The following CFAP299 variants were observed in gnomAD, a reference collection of about 807,000 sequenced individuals.
The protein encoded by CFAP299 is cilia- and flagella-associated protein 299.
CFAP299 carries 21 observed loss-of-function variants against 27.0 expected under a neutral mutation model. The observed-to-expected ratio is 0.78, with a 90% CI of 0.55 to 1.12. The LOEUF (loss-of-function observed/expected upper bound fraction) is 1.12. Ranked by LOEUF, CFAP299 falls within the 50% of genes most tolerant of loss-of-function variation. The pLI, the probability that CFAP299 is intolerant of heterozygous loss-of-function variation, is 0.00. For synonymous variants in CFAP299, 104 were observed against 98.1 expected (o/e 1.06, Z -0.36); for missense variants, 310 against 276.6 (o/e 1.12, Z -0.86).
intron 3 of CFAP299, among the ~76,000 whole-genome samples, chr4:80,594,072 G>A (rs1736924586): frequency 6.6e-6 from 1 of 151,948 alleles, no homozygotes; most frequent in South Asian, 2.1e-4. Context: ...TTCCTTTCCT[G>A]TAAAGATCTT....
At chr4:80,861,203 A>G (rs1578192828) in intron 3 of CFAP299, among the ~76,000 whole-genome samples, 1 of 152,136 alleles carries the variant, frequency 6.6e-6, no homozygotes, top group Non-Finnish European at 1.5e-5. Flanking sequence ...TGGGTGTAGG[A>G]CCCTCCGAGC....
At chr4:80,702,766 G>A (rs928960846) in intron 3 of CFAP299, among the ~76,000 whole-genome samples, 6 of 151,712 alleles carry the variant, frequency 4.0e-5, no homozygotes, top group African/African-American at 1.5e-4. Flanking sequence ...CTAGTTAATT[G>A]CTAGCAAGGT....
rs181022124 is a variant in CFAP299, at chr4:80,645,485, A to G, written c.333+62302A>G. Among the ~76,000 whole-genome samples, 125 of 152,258 alleles carry G rather than the reference A, an allele frequency of 8.2e-4. 1 individual carries two copies. The highest frequency in any genetic ancestry group is 2.9e-3 in the African/African-American group (121 of 41,568). On this transcript the variant is annotated intron_variant, in intron 3 of 5. Transcript: ENST00000358105. ...GTATTCACAGATTTGATACATAAAT[A>G]CACACATATGTAGGTGTATCTGTTT...
At chr4:80,480,595 G>C (rs976567855) in intron 2 of CFAP299, among the ~76,000 whole-genome samples, 1 of 151,960 alleles carries the variant, frequency 6.6e-6, no homozygotes, top group African/African-American at 2.4e-5. Context: ...TTTAAGCACG[G>C]TTAAGCTTAT....
chr4:80,624,633 G>T lies in CFAP299; in HGVS notation c.333+41450G>T, dbSNP rs535830583. Among the ~76,000 whole-genome samples, 6 of 151,656 alleles carry T rather than the reference G, an allele frequency of 4.0e-5. No individual in the cohort carries two copies. In the South Asian group the frequency reaches 1.2e-3, roughly 32 times the overall value. On this transcript the variant is annotated intron_variant, in intron 3 of 5. Coordinates refer to ENST00000358105, the MANE Select transcript of CFAP299 (RefSeq NM_152770.3). ...GACATCAATTTCCAGGTACAACAAG[G>T]TCAAATATCTCTGATCAGATTCAAT...
At chr4:80,818,329 G>C (rs1018748919) in intron 3 of CFAP299, among the ~76,000 whole-genome samples, 3 of 152,022 alleles carry the variant, frequency 2.0e-5, no homozygotes, top group Non-Finnish European at 4.4e-5. Context: ...TTTAAATTTT[G>C]TTTTGTTTGG....
chr4:80,632,762 G>A (rs1739278526), intron 3 of CFAP299, among the ~76,000 whole-genome samples: 3 of 151,322 alleles, frequency 2.0e-5, no homozygotes, highest in Admixed American at 2.0e-4. Flanking sequence ...AGAACTAAGA[G>A]AAAATGTATT....
At chr4:80,400,186 G>A (rs1726067361) in intron 2 of CFAP299, among the ~76,000 whole-genome samples, 1 of 152,116 alleles carries the variant, frequency 6.6e-6, no homozygotes, top group Non-Finnish European at 1.5e-5. Context: ...CAACTGATCC[G>A]AGTGTATTTT....
chr4:80,332,545 T>A (rs2109958857), upstream of CFAP299, among the ~76,000 whole-genome samples: 1 of 152,260 alleles, frequency 6.6e-6, no homozygotes, highest in South Asian at 2.1e-4. Context: ...AACGTTGATA[T>A]GAATGTGAAT....
At chr4:80,324,060 C>T in the CFAP299 span, among the ~76,000 whole-genome samples, 1 of 152,130 alleles carries the variant, frequency 6.6e-6, no homozygotes, top group Non-Finnish European at 1.5e-5. Flanking sequence ...TGGTGGTTTG[C>T]TGCTCCTATC....
chr4:80,947,382 G>A (rs1476332054), intron 5 of CFAP299, among the ~76,000 whole-genome samples: 2 of 152,140 alleles, frequency 1.3e-5, no homozygotes, highest in African/African-American at 4.8e-5. Context: ...GAAAAGAAAT[G>A]TTGGTCTCAG....
intron 5 of CFAP299, among the ~76,000 whole-genome samples, chr4:80,950,580 A>C (rs1737725879): frequency 6.6e-6 from 1 of 152,154 alleles, no homozygotes; most frequent in Non-Finnish European, 1.5e-5. Flanking sequence ...TCTGATAGGA[A>C]GAAAAACCAT....
intron 3 of CFAP299, among the ~76,000 whole-genome samples, chr4:80,819,415 T>G (rs1729585979): frequency 6.6e-6 from 1 of 152,106 alleles, no homozygotes; most frequent in South Asian, 2.1e-4. Context: ...TTTTGGAAAC[T>G]GTTGAGCGAA....
intron 4 of CFAP299, among the ~76,000 whole-genome samples, chr4:80,908,583 T>A (rs1302650157): frequency 1.3e-5 from 2 of 152,226 alleles, no homozygotes; most frequent in Non-Finnish European, 2.9e-5. Flanking sequence ...TACACATTAG[T>A]GTCACCAGAA....
intron 1 of CFAP299, among the ~76,000 whole-genome samples, chr4:80,337,793 T>A (rs919703843): frequency 6.6e-6 from 1 of 152,204 alleles, no homozygotes; most frequent in African/African-American, 2.4e-5. Context: ...TGGCATTGAT[T>A]AAGCTTATTT....
intron 3 of CFAP299, among the ~76,000 whole-genome samples, chr4:80,590,180 C>T (rs971529594): frequency 1.3e-5 from 2 of 152,092 alleles, no homozygotes; most frequent in Non-Finnish European, 2.9e-5. Flanking sequence ...GGAAAAAAGG[C>T]ATGTTTCGGA....
At chr4:80,461,675 A>G (rs550728421) in intron 2 of CFAP299, among the ~76,000 whole-genome samples, 32 of 152,152 alleles carry the variant, frequency 2.1e-4, no homozygotes, top group Non-Finnish European at 4.0e-4. Flanking sequence ...GGAGTGGTCC[A>G]TTCAGTTGGT....
intron 2 of CFAP299, among the ~76,000 whole-genome samples, chr4:80,417,538 G>T (rs1227239352): frequency 6.6e-6 from 1 of 152,058 alleles, no homozygotes; most frequent in Non-Finnish European, 1.5e-5. Flanking sequence ...CCTTGAAATC[G>T]TTACTCTTCG....
At chr4:80,803,652 AAAG>A (rs1375812826) in intron 3 of CFAP299, among the ~76,000 whole-genome samples, 27 of 151,494 alleles carry the variant, frequency 1.8e-4, no homozygotes, top group Non-Finnish European at 4.4e-5. Flanking sequence ...CCATATTCAA[AAAG>A]AAGAATAAAA....
Sources: gnomAD v4.1 joint callset for allele counts (sites outside exome capture counted in the v4.1 genomes callset) on GRCh38, gnomAD v4.1.1 for gene constraint, MANE v1.5 for transcripts, NCBI Gene and HGNC (gene_info 2026-07-23, HGNC 2026-07-21) for gene names.